Variants in WTIP observed in about 807,000 individuals in gnomAD.
The protein encoded by WTIP is Wilms tumor protein 1-interacting protein.
Under a neutral mutation model 41.7 loss-of-function variants are expected in WTIP, and 23 were observed. The ratio of observed to expected loss-of-function variants is 0.55; its 90% confidence interval spans 0.40 to 0.78. The LOEUF is 0.78. Ranked by LOEUF, WTIP falls within the 30% of genes least tolerant of loss-of-function variation. The probability of loss-of-function intolerance (pLI) is 0.00; values close to 1 mark genes in which losing one functional copy is unlikely to be tolerated. For synonymous variants in WTIP, 314 were observed against 269.9 expected, an observed-to-expected ratio of 1.16 and a Z score of -1.60; for missense variants, 619 against 610.5, an observed-to-expected ratio of 1.01 and a Z score of -0.15.
In WTIP at chr19:34,509,029, C is replaced by G. The variant is rs185253892; in HGVS notation, c.*8760C>G. The G allele has an allele frequency of 2.6e-5, 4 of 152,278 alleles. No homozygotes were observed. The highest frequency in any genetic ancestry group is 9.6e-5 in the African/African-American group (4 of 41,558). The allele number at this position is 152,278 out of a possible 1,614,324, so 9.4% of individuals were successfully genotyped here. A position where few individuals can be genotyped will look rare whatever the true frequency, so the allele number is the denominator to read the frequency against. ...CTGGACCTGGCTTTTATAAATCATG[C>G]GGTGATAAATAATATGGCAGTTAGA... is the stretch of plus-strand genomic sequence containing the variant. On this transcript the variant is annotated 3_prime_UTR_variant, in exon 8 of 8. Coordinates refer to ENST00000590071, the MANE Select transcript of WTIP (RefSeq NM_001080436.2).
At chr19:34,496,398 T>A (rs2075853841) in intron 7 of WTIP, among the ~76,000 whole-genome samples, 1 of 152,176 alleles carries the variant, frequency 6.6e-6, no homozygotes. Flanking sequence ...CTTGAACTCC[T>A]GGGCTCAAGC....
Position 34,500,156 on chromosome 19 carries a change from GA to G in WTIP, c.1181del (p.Glu394GlyfsTer219). 6.2e-7 allele frequency: 1 copy of G among 1,601,188 alleles called. No individual in the cohort carries two copies. On this transcript the variant is annotated frameshift_variant, in exon 8 of 8. Coordinates refer to ENST00000590071, the MANE Select transcript of WTIP (RefSeq NM_001080436.2). LOFTEE classifies it high-confidence loss of function. ...CTGCGGGCTGCAGCTGAGCGGGGAG[GA>G]GGGACGCCGTTGCTATCCCCTGGCG... ...EDCGLQLSGE[E>X]GRRCYPLAGH... is the part of the protein sequence containing the mutation.
At position 34,493,154 on chromosome 19, in the gene WTIP, G is replaced by A; in HGVS notation, c.837+50G>A. On this transcript the variant is annotated intron_variant, in intron 3 of 7. Transcript: ENST00000590071. The surrounding 1 kb of genome is among the most constrained non-coding windows in gnomAD (Gnocchi z 4.1). ...GTGCCAGGGGTGGGAGGTGGGGCAG[G>A]GACCCTCATTCTGACTCGAGTGGAG... 6.2e-7 allele frequency: 1 copy of A among 1,613,558 alleles called. No individual in the cohort carries two copies. Among genetic ancestry groups the A allele is most frequent in the Middle Eastern group, 1.6e-4 (1 of 6,062 alleles).
At chr19:34,491,701 G>A (rs1428147010) in intron 2 of WTIP, among the ~76,000 whole-genome samples, 4 of 152,014 alleles carry the variant, frequency 2.6e-5, no homozygotes, top group Admixed American at 2.6e-4. Flanking sequence ...CTGGAGTGCA[G>A]TGGCGAGATC....
chr19:34,482,826 G>A (rs1039270950), intron 1 of WTIP, 185 bp downstream of exon 1: 12 of 975,380 alleles, frequency 1.2e-5, no homozygotes, highest in Non-Finnish European at 1.5e-5. Context: ...GGGTGAGTGA[G>A]TGCGCCTGGA....
rs2075931051 is a variant in WTIP at position 34,511,043 on chromosome 19, A to G, written c.*10774A>G. On this transcript the variant is annotated 3_prime_UTR_variant, in exon 8 of 8. Transcript: ENST00000590071. ...CTGTTCCAACCTCTGCCTGTTACCC[A>G]GTTCCAAAGTTGCTTCCACATTTTC... 6.6e-6 allele frequency: 1 copy of G among 152,406 alleles called. No individual in the cohort carries two copies. Among genetic ancestry groups the G allele is most frequent in the Non-Finnish European group, 1.5e-5 (1 of 68,188 alleles). 9.4% of individuals were successfully genotyped at this position (152,406 alleles called of 1,614,324 possible).
At chr19:34,499,752 T>G (rs2075874445) in intron 7 of WTIP, among the ~76,000 whole-genome samples, 4 of 151,180 alleles carry the variant, frequency 2.6e-5, no homozygotes, top group Admixed American at 2.6e-4. Context: ...CAGGCTGGAA[T>G]GCAATGGCAG....
chr19:34,501,218 C>G lies in WTIP; in HGVS notation c.*949C>G, dbSNP rs2075884695. On this transcript the variant is annotated 3_prime_UTR_variant, in exon 8 of 8. Coordinates refer to ENST00000590071, the MANE Select transcript of WTIP (RefSeq NM_001080436.2). ...TTTTTAAAGCAAATGCCGGCAAACT[C>G]ACAAGTGTCTAGTTTGTCTGTTACG... is the stretch of plus-strand genomic sequence containing the variant. The G allele has an allele frequency of 6.6e-6, 1 of 152,648 alleles. No individual in the cohort carries two copies. Among genetic ancestry groups the G allele is most frequent in the East Asian group, 1.9e-4 (1 of 5,198 alleles). 9.5% of individuals were successfully genotyped at this position (152,648 alleles called of 1,614,324 possible). A position where few individuals can be genotyped will look rare whatever the true frequency, so the allele number is the denominator to read the frequency against.
rs532118381 is a variant in WTIP at position 34,508,324 on chromosome 19, C to T, written c.*8055C>T. 15 of 152,192 alleles carry T rather than the reference C, an allele frequency of 9.9e-5. No homozygotes were observed. The East Asian group carries it at 2.7e-3, about 27-fold the overall frequency. The allele number at this position is 152,192 out of a possible 1,614,324, so 9.4% of individuals were successfully genotyped here. ...TCCTGACCTTAAGTGATCTACCCGC[C>T]TCAGCCTCCTAAAGTGCTAGGATTA... On this transcript the variant is annotated 3_prime_UTR_variant, in exon 8 of 8. Coordinates refer to ENST00000590071, the MANE Select transcript of WTIP (RefSeq NM_001080436.2).
chr19:34,496,963 A>C (rs998725587), intron 7 of WTIP, among the ~76,000 whole-genome samples: 1 of 152,056 alleles, frequency 6.6e-6, no homozygotes, highest in Non-Finnish European at 1.5e-5. Context: ...CCTGGGTTCA[A>C]GCAATTCTCC....
At chr19:34,497,925 G>GAC (rs1241949840) in intron 7 of WTIP, among the ~76,000 whole-genome samples, 2 of 152,220 alleles carry the variant, frequency 1.3e-5, no homozygotes, top group Non-Finnish European at 2.9e-5. Context: ...GCAAAAGGTT[G>GAC]ACGCTGAGAG....
chr19:34,497,239 G>T (rs1033924212), intron 7 of WTIP, among the ~76,000 whole-genome samples: 3 of 152,126 alleles, frequency 2.0e-5, no homozygotes, highest in Non-Finnish European at 2.9e-5. Context: ...AGACCACGGG[G>T]CTCCCCTGGG....
rs1041954949 is a variant in WTIP, at chr19:34,508,789, T to C, written c.*8520T>C. On this transcript the variant is annotated 3_prime_UTR_variant, in exon 8 of 8. Coordinates refer to ENST00000590071, the MANE Select transcript of WTIP (RefSeq NM_001080436.2). Reference sequence around the variant, plus strand: ...CAGGACACACCCATCACCCCATCTATATTGAGATGTTATCTAGAGAGACGC... The same window carrying C: ...CAGGACACACCCATCACCCCATCTACATTGAGATGTTATCTAGAGAGACGC... 6.6e-6 allele frequency: 1 copy of C among 152,176 alleles called. No individual in the cohort carries two copies. The highest frequency in any genetic ancestry group is 2.4e-5 in the African/African-American group (1 of 41,448). 9.4% of individuals were successfully genotyped at this position (152,176 alleles called of 1,614,324 possible).
rs2075856909 is a variant in WTIP, at chr19:34,496,885, A to AC, written c.1152+1114_1152+1115insC. Among the ~76,000 whole-genome samples, 7 of 133,302 alleles carry AC rather than the reference A, an allele frequency of 5.3e-5. No individual in the cohort carries two copies. The South Asian group carries it at 1.6e-3, about 31-fold the overall frequency. The allele number at this position is 133,302 out of a possible 152,430, so 87.5% of individuals were successfully genotyped here. Reference sequence around the variant, plus strand: ...TCTCTGAATCTTTTTTTTTGTTGAGATGAGTCTCACTCCGTTGCCCAGGCT... The same window carrying AC: ...TCTCTGAATCTTTTTTTTTGTTGAGACTGAGTCTCACTCCGTTGCCCAGGCT... On this transcript the variant is annotated intron_variant, in intron 7 of 7. Coordinates refer to ENST00000590071, the MANE Select transcript of WTIP (RefSeq NM_001080436.2).
chr19:34,492,728 CT>C (rs1369384545), intron 2 of WTIP, among the ~76,000 whole-genome samples: 1 of 150,030 alleles, frequency 6.7e-6, no homozygotes, highest in Non-Finnish European at 1.5e-5. Flanking sequence ...CGAAAATTTG[CT>C]GTGAATTCAA....
chr19:34,484,164 A>T (rs1467526415), intron 1 of WTIP, among the ~76,000 whole-genome samples: 1 of 151,918 alleles, frequency 6.6e-6, no homozygotes, highest in African/African-American at 2.4e-5. Flanking sequence ...TGACCTCATG[A>T]TCCGCCTGCC....
At position 34,505,322 on chromosome 19, in the gene WTIP, C is replaced by T. The variant is rs1166982569; in HGVS notation, c.*5053C>T. ...ACTCAGGAGGAGTGTGGACGCGGCT[C>T]CTCTCCTTCCACCCACTTCCCTGGC... On this transcript the variant is annotated 3_prime_UTR_variant, in exon 8 of 8. Coordinates refer to ENST00000590071, the MANE Select transcript of WTIP (RefSeq NM_001080436.2). 6.6e-6 allele frequency: 1 copy of T among 152,240 alleles called. No individual in the cohort carries two copies. Among genetic ancestry groups the T allele is most frequent in the Non-Finnish European group, 1.5e-5 (1 of 68,086 alleles). 9.4% of individuals were successfully genotyped at this position (152,240 alleles called of 1,614,324 possible). A position where few individuals can be genotyped will look rare whatever the true frequency, so the allele number is the denominator to read the frequency against.
chr19:34,498,843 T>A (rs1350720674), intron 7 of WTIP, among the ~76,000 whole-genome samples: 2 of 151,558 alleles, frequency 1.3e-5, no homozygotes, highest in African/African-American at 4.9e-5. Flanking sequence ...GAGCTTGCAG[T>A]GAGCTGAGAT....
In WTIP at chr19:34,495,696, C is replaced by T. The variant is rs749645380; in HGVS notation, c.1084-7C>T. The T allele has an allele frequency of 1.9e-5, 30 of 1,613,740 alleles. No individual in the cohort carries two copies. In the Admixed American group the frequency reaches 2.0e-4, roughly 11 times the overall value. ...TCATCGTGTGTGAACTCCTTCTCTT[C>T]CTCCAGGGCTGCGAGACAACCATCC... On this transcript the variant is annotated splice_region_variant and splice_polypyrimidine_tract_variant and intron_variant, in intron 6 of 7. Coordinates refer to ENST00000590071, the MANE Select transcript of WTIP (RefSeq NM_001080436.2).
Sources: gnomAD v4.1 joint callset for allele counts (sites outside exome capture counted in the v4.1 genomes callset) on GRCh38, gnomAD v4.1.1 for gene constraint, Gnocchi (gnomAD v3.1) non-coding constraint, MANE v1.5 for transcripts, NCBI Gene and HGNC (gene_info 2026-07-23, HGNC 2026-07-21) for gene names.